Variants in LVRN observed in about 807,000 individuals in gnomAD.
LVRN encodes aminopeptidase Q.
LVRN carries 99 observed loss-of-function variants against 111.4 expected under a neutral mutation model. The ratio of observed to expected loss-of-function variants is 0.89; its 90% CI spans 0.76 to 1.05. LVRN has a LOEUF of 1.05. Among genes scored for constraint, LVRN ranks in the 50% least tolerant of loss-of-function variants. The pLI, the probability that LVRN is intolerant of heterozygous loss-of-function variation, is 0.00. For missense variants in LVRN, 1,414 were observed against 1,206.8 expected, an observed-to-expected ratio of 1.17 and a Z score of -2.54; for synonymous variants, 488 against 449.5, an observed-to-expected ratio of 1.09 and a Z score of -1.08.
intron 1 of LVRN, among the ~76,000 whole-genome samples, chr5:115,969,333 C>T (rs978620994): frequency 6.6e-6 from 1 of 152,086 alleles, no homozygotes; most frequent in Non-Finnish European, 1.5e-5. Context: ...TATTAGGCTG[C>T]CTGACATTAC....
chr5:115,971,867 G>A (rs1316301714), intron 1 of LVRN, among the ~76,000 whole-genome samples: 1 of 151,970 alleles, frequency 6.6e-6, no homozygotes, highest in African/African-American at 2.4e-5. Flanking sequence ...AGCACCTGCT[G>A]GGATTTTGAC....
At chr5:116,004,954 A>G (rs1464695375) in intron 12 of LVRN, among the ~76,000 whole-genome samples, 1 of 152,226 alleles carries the variant, frequency 6.6e-6, no homozygotes. Context: ...AAATATTTTC[A>G]GAGTGTCTAA....
At chr5:115,983,534 T>C (rs972852451) in intron 2 of LVRN, 105 bp downstream of exon 2, 2 of 1,291,494 alleles carry the variant, frequency 1.5e-6, no homozygotes, top group Non-Finnish European at 2.1e-6. Context: ...TGTATTATAA[T>C]TACAGTCTAC....
intron 14 of LVRN, 80 bp from the exon 15 acceptor site, chr5:116,012,294 C>A: frequency 1.3e-6 from 1 of 769,526 alleles, no homozygotes; most frequent in Non-Finnish European, 2.2e-6. Flanking sequence ...AATGTCTTTT[C>A]AGATAAATAA....
In LVRN at chr5:115,962,708, G is replaced by A. The variant is rs766397285; in HGVS notation, c.91G>A (p.Ala31Thr). The A allele has an allele frequency of 6.2e-7, 1 of 1,611,650 alleles. No homozygotes were observed. Among genetic ancestry groups the A allele is most frequent in the Admixed American group, 1.7e-5 (1 of 59,992 alleles). ...GLVAALLLAL[A>T]VLAALYGHCE... ...GGTAGCCGCCCTCCTGCTGGCGCTG[G>A]CCGTACTCGCCGCCTTGTACGGCCA... Residue 31 changes from alanine to threonine, a missense_variant, in exon 1 of 20, where the codon GCC becomes ACC. Ala to Thr is a moderately conservative substitution (Grantham distance 58). Transcript: ENST00000357872.
intron 1 of LVRN, among the ~76,000 whole-genome samples, chr5:115,965,733 A>T (rs1017325453): frequency 2.0e-5 from 3 of 152,036 alleles, no homozygotes; most frequent in Non-Finnish European, 4.4e-5. Context: ...AGCCTCTGGC[A>T]TTTCCCCTGC....
chr5:115,998,972 G>A (rs116029354), intron 6 of LVRN, among the ~76,000 whole-genome samples: 1,816 of 152,306 alleles, frequency 0.012, 39 homozygotes, highest in African/African-American at 0.042. Context: ...GTCAAAGGGT[G>A]AGAGAGTCAA....
rs540111920 is a variant in LVRN at position 116,027,490 on chromosome 5, G to A, written c.*1372G>A. On this transcript the variant is annotated 3_prime_UTR_variant, in exon 20 of 20. Transcript: ENST00000357872. ...AGGGGAGGCTGTGGGACTTCACCAC[G>A]TGGACAAACGAAAGCACAGGCTACT... is the stretch of plus-strand genomic sequence containing the variant. 7 of 152,192 alleles carry A rather than the reference G, an allele frequency of 4.6e-5. No homozygotes were observed. Among genetic ancestry groups the A allele is most frequent in the Non-Finnish European group, 7.3e-5 (5 of 68,038 alleles). 9.4% of individuals were successfully genotyped at this position (152,192 alleles called of 1,614,324 possible).
chr5:115,996,727 CA>C (rs1307066216), intron 6 of LVRN, among the ~76,000 whole-genome samples: 3 of 152,162 alleles, frequency 2.0e-5, no homozygotes, highest in African/African-American at 7.2e-5. Context: ...CATTGCCACT[CA>C]CTGACTTTCC....
At chr5:116,025,480 CTGAA>C (rs200150422) in intron 19 of LVRN, among the ~76,000 whole-genome samples, 2,421 of 152,296 alleles carry the variant, frequency 0.016, 27 homozygotes, top group Middle Eastern at 0.051. Flanking sequence ...GTTCTGATAA[CTGAA>C]TGCTTGGCCT....
chr5:115,971,119 T>C (rs1318234733), intron 1 of LVRN, among the ~76,000 whole-genome samples: 1 of 152,224 alleles, frequency 6.6e-6, no homozygotes, highest in Non-Finnish European at 1.5e-5. Context: ...AAAAATGTTG[T>C]GCATCATTTT....
At position 115,999,890 on chromosome 5, in the gene LVRN, T is replaced by C; in HGVS notation, c.1503T>C (p.Phe501=). 6.2e-7 allele frequency: 1 copy of C among 1,609,712 alleles called. No homozygotes were observed. Among genetic ancestry groups the C allele is most frequent in the Non-Finnish European group, 8.5e-7 (1 of 1,179,008 alleles). The part of the protein sequence containing the change: ...TSEIQELFDI[F]TYSKGASMAR... ...AAATACAGGAACTCTTTGACATATT[T>C]ACTTACAGCAAGGTAAAAGCAGTTA... is the stretch of plus-strand genomic sequence containing the variant. Residue 501 remains phenylalanine (F), a synonymous_variant, in exon 7 of 20, where the codon TTT becomes TTC. Coordinates refer to ENST00000357872, the MANE Select transcript of LVRN (RefSeq NM_173800.5).
intron 9 of LVRN, among the ~76,000 whole-genome samples, 166 bp from the exon 10 acceptor site, chr5:116,000,901 C>A (rs1441144164): frequency 6.6e-6 from 1 of 152,042 alleles, no homozygotes; most frequent in African/African-American, 2.4e-5. Context: ...ATTAAAGAAC[C>A]ATTCATATAT....
At chr5:116,017,198 A>G (rs1253057251) in intron 18 of LVRN, among the ~76,000 whole-genome samples, 2 of 152,210 alleles carry the variant, frequency 1.3e-5, no homozygotes, top group Non-Finnish European at 2.9e-5. Context: ...CCAACTTGGG[A>G]CTAGTCACAG....
chr5:115,999,280 C>A (rs1748187045), intron 6 of LVRN, among the ~76,000 whole-genome samples: 1 of 152,056 alleles, frequency 6.6e-6, no homozygotes, highest in Non-Finnish European at 1.5e-5. Flanking sequence ...ACTGTAATAT[C>A]CATTTTATGG....
Position 115,993,715 on chromosome 5 carries a change from T to A in LVRN, c.1261-26T>A, listed in dbSNP as rs775665794. On this transcript the variant is annotated intron_variant, in intron 5 of 19. Transcript: ENST00000357872. ...ACTTAAAAATTAAATTTAAGAAAGC[T>A]CTTTTTTTCTTCTCATTTCCAAAAG... 3.5e-6 allele frequency: 5 copies of A among 1,425,242 alleles called. No homozygotes were observed. The Admixed American group carries it at 7.5e-5, about 21-fold the overall frequency. The allele number at this position is 1,425,242 out of a possible 1,614,324, so 88.3% of individuals were successfully genotyped here. A position where few individuals can be genotyped will look rare whatever the true frequency, so the allele number is the denominator to read the frequency against.
chr5:116,013,202 T>C (rs542668413), intron 15 of LVRN, among the ~76,000 whole-genome samples: 1 of 152,284 alleles, frequency 6.6e-6, no homozygotes, highest in African/African-American at 2.4e-5. Flanking sequence ...ATATACAAAG[T>C]ATGATTATTC....
At chr5:116,008,732 C>T (rs1748429298) in intron 13 of LVRN, among the ~76,000 whole-genome samples, 2 of 152,182 alleles carry the variant, frequency 1.3e-5, no homozygotes, top group Admixed American at 1.3e-4. Context: ...TCCTAACTCT[C>T]TTCAATTCTA....
intron 14 of LVRN, among the ~76,000 whole-genome samples, chr5:116,012,088 C>T (rs576870552): frequency 6.6e-6 from 1 of 152,038 alleles, no homozygotes; most frequent in African/African-American, 2.4e-5. Context: ...TTTTTGAGTT[C>T]TTGCTTTGTG....
Sources: allele counts gnomAD v4.1 joint callset (sites outside exome capture counted in the v4.1 genomes callset), GRCh38; gene constraint gnomAD v4.1.1; transcripts MANE v1.5; gene names NCBI Gene and HGNC (gene_info 2026-07-23, HGNC 2026-07-21).